The following ABCA13 variants were observed in gnomAD, a reference collection of about 807,000 sequenced individuals.
ABCA13 encodes ATP-binding cassette sub-family A member 13.
ABCA13 carries 476 observed loss-of-function variants against 478.7 expected under a neutral mutation model. The observed-to-expected ratio is 0.99, with a 90% CI of 0.92 to 1.07. ABCA13 has a LOEUF of 1.07. ABCA13 is among the 50% of genes least tolerant of loss of function. The probability of loss-of-function intolerance (pLI) is 0.00; values close to 1 mark genes in which losing one functional copy is unlikely to be tolerated. For missense variants in ABCA13, 6,060 were observed against 5,910.6 expected (o/e 1.03, Z -0.83); for synonymous variants, 2,252 against 2,158.9 (o/e 1.04, Z -1.20).
Position 48,272,169 on chromosome 7 carries a change from C to G in ABCA13, c.2503C>G (p.Leu835Val), listed in dbSNP as rs535660292. 6.2e-7 allele frequency: 1 copy of G among 1,612,996 alleles called. No individual in the cohort carries two copies. The highest frequency in any genetic ancestry group is 1.1e-5 in the South Asian group (1 of 90,938). ...LILFEINPKL[L>V]ELWAYGISKG... The stretch of plus-strand genomic sequence containing the variant: ...ACTTTTTGAAATTAATCCCAAATTA[C>G]TAGAATTATGGGCCTATGGCATTTC... Residue 835 changes from leucine (L) to valine (V), a missense_variant, in exon 17 of 62, where the codon CTA becomes GTA. Leu to Val is a conservative substitution (Grantham distance 32). This residue lies in a region of ABCA13 where 4,423 missense variants were observed against 4,309.1 expected (regional missense o/e 1.03). Coordinates refer to ENST00000435803, the MANE Select transcript of ABCA13 (RefSeq NM_152701.5).
intron 9 of ABCA13, among the ~76,000 whole-genome samples, chr7:48,239,908 G>A (rs1288244084): frequency 1.3e-5 from 2 of 152,232 alleles, no homozygotes; most frequent in East Asian, 3.8e-4. Flanking sequence ...GGATGTTGGT[G>A]TGGGGCAGAG....
At chr7:48,473,826 G>C (rs1339720908) in intron 45 of ABCA13, among the ~76,000 whole-genome samples, 1 of 152,178 alleles carries the variant, frequency 6.6e-6, no homozygotes, top group Non-Finnish European at 1.5e-5. Flanking sequence ...TTTTTCTAGA[G>C]ATTTTAGAAG....
intron 26 of ABCA13, 40 bp from the exon 27 acceptor site, chr7:48,317,117 G>A: frequency 6.3e-7 from 1 of 1,584,876 alleles, no homozygotes; most frequent in Non-Finnish European, 8.5e-7. Flanking sequence ...TAGGCATCGT[G>A]TATCATTAGC....
chr7:48,273,553 A>T lies in ABCA13; in HGVS notation c.3887A>T (p.Glu1296Val). 6.3e-7 allele frequency: 1 copy of T among 1,582,726 alleles called. No homozygotes were observed. The highest frequency in any genetic ancestry group is 8.6e-7 in the Non-Finnish European group (1 of 1,162,370). The change falls in exon 17 of 62, where the codon GAA becomes GTA. Residue 1296 changes from glutamate (E) to valine (V), a missense_variant. Physicochemically the swap from Glu to Val is moderately radical, Grantham distance 121 (BLOSUM62 -2). Coordinates refer to ENST00000435803, the MANE Select transcript of ABCA13 (RefSeq NM_152701.5). ...EVFIEFSSTS[E>V]YIVRNLDSIN... is the part of the protein sequence containing the mutation. ...TTCATTGAGTTTAGCAGTACCTCAG[A>T]ATATATAGTCAGAAATCTAGATTCA... is the stretch of plus-strand genomic sequence containing the variant.
intron 42 of ABCA13, among the ~76,000 whole-genome samples, chr7:48,450,478 A>G (rs1824856353): frequency 6.6e-6 from 1 of 152,222 alleles, no homozygotes; most frequent in African/African-American, 2.4e-5. Context: ...TTTTAAATTA[A>G]AACCTTCCAT....
chr7:48,302,676 T>G (rs935584004), intron 23 of ABCA13, among the ~76,000 whole-genome samples: 1 of 152,212 alleles, frequency 6.6e-6, no homozygotes, highest in Non-Finnish European at 1.5e-5. Context: ...GGACATGACC[T>G]TGTTCTTTTT....
Position 48,403,884 on chromosome 7 carries a change from G to A in ABCA13, c.12070+5G>A. On this transcript the variant is annotated splice_donor_5th_base_variant and intron_variant, in intron 39 of 61. Transcript: ENST00000435803. Reference sequence around the variant, plus strand: ...TTCTGCTCAAGTACCGAGAAGGTAGGCACTGGGCCTCATTCTGCCTTCTCT... The same window carrying A: ...TTCTGCTCAAGTACCGAGAAGGTAGACACTGGGCCTCATTCTGCCTTCTCT... 1 of 1,611,422 alleles carries A rather than the reference G, an allele frequency of 6.2e-7. No individual in the cohort carries two copies. The highest frequency in any genetic ancestry group is 2.2e-5 in the East Asian group (1 of 44,798).
At chr7:48,200,877 G>A (rs1798589048) in intron 3 of ABCA13, among the ~76,000 whole-genome samples, 1 of 152,178 alleles carries the variant, frequency 6.6e-6, no homozygotes, top group South Asian at 2.1e-4. Flanking sequence ...ACCTGAAAGC[G>A]GCTGGGTGCA....
chr7:48,200,567 T>C (rs940825825), intron 3 of ABCA13, among the ~76,000 whole-genome samples: 1 of 152,144 alleles, frequency 6.6e-6, no homozygotes, highest in African/African-American at 2.4e-5. Flanking sequence ...CCTTTAACTT[T>C]GAGAACGAAG....
chr7:48,607,788 T>C (rs1027918706), intron 58 of ABCA13, among the ~76,000 whole-genome samples: 1 of 152,168 alleles, frequency 6.6e-6, no homozygotes, highest in Non-Finnish European at 1.5e-5. Context: ...AGTTTATTTG[T>C]TTATTTTGTG....
intron 48 of ABCA13, among the ~76,000 whole-genome samples, chr7:48,501,473 A>G (rs1830735350): frequency 6.6e-6 from 1 of 152,010 alleles, no homozygotes; most frequent in Non-Finnish European, 1.5e-5. Context: ...TTAAATATTT[A>G]CTCTATGACA....
At chr7:48,418,083 C>T (rs4917135) in intron 41 of ABCA13, among the ~76,000 whole-genome samples, 120,033 of 151,956 alleles carry the variant, frequency 0.79, 48,027 homozygotes, top group South Asian at 0.95. Flanking sequence ...ATCTATTCAT[C>T]TACTGAAAGA....
At chr7:48,469,794 C>A (rs1466956430) in intron 44 of ABCA13, among the ~76,000 whole-genome samples, 3 of 152,064 alleles carry the variant, frequency 2.0e-5, no homozygotes, top group African/African-American at 7.2e-5. Context: ...GTGGTGCGCA[C>A]CCATAATCCC....
At chr7:48,520,546 C>CTT (rs1563387394) in intron 53 of ABCA13, among the ~76,000 whole-genome samples, 2,636 of 152,044 alleles carry the variant, frequency 0.017, 81 homozygotes, top group African/African-American at 0.06. Flanking sequence ...AGCATATTTT[C>CTT]TTTTTTTAAA....
intron 61 of ABCA13, 144 bp from the exon 62 acceptor site, chr7:48,645,273 A>G: frequency 1.7e-6 from 1 of 602,010 alleles, no homozygotes; most frequent in Admixed American, 3.1e-5. Context: ...TATTTATGTG[A>G]TTTGGGAGGG....
At chr7:48,197,353 C>G (rs1798064716) in intron 2 of ABCA13, among the ~76,000 whole-genome samples, 1 of 152,124 alleles carries the variant, frequency 6.6e-6, no homozygotes, top group Non-Finnish European at 1.5e-5. Flanking sequence ...TACTGGGGCG[C>G]TGGACAGGCA....
In ABCA13 at chr7:48,274,587, T is replaced by G. The variant is rs1427432397; in HGVS notation, c.4921T>G (p.Ser1641Ala). 1.9e-6 allele frequency: 3 copies of G among 1,613,848 alleles called. No homozygotes were observed. Among genetic ancestry groups the G allele is most frequent in the Non-Finnish European group, 2.5e-6 (3 of 1,179,858 alleles). ...TCAACTGATAAGGGATGTGTTCAACTCCTTAATGCCTGTAGTTCATCACAC... is the reference window on the plus strand; with the variant it reads ...TCAACTGATAAGGGATGTGTTCAACGCCTTAATGCCTGTAGTTCATCACAC... ...GIQLIRDVFNSLMPVVHHTSP... is the reference protein window; with the variant it reads ...GIQLIRDVFNALMPVVHHTSP... Residue 1641 changes from serine to alanine, a missense_variant, in exon 17 of 62, where the codon TCC (serine) becomes GCC (alanine). By Grantham distance (99) the Ser-to-Ala change is moderately conservative. This residue lies in a region of ABCA13 where 4,423 missense variants were observed against 4,309.1 expected (regional missense o/e 1.03). Transcript: ENST00000435803.
At chr7:48,609,192 G>A (rs1327789258) in intron 58 of ABCA13, among the ~76,000 whole-genome samples, 1 of 152,076 alleles carries the variant, frequency 6.6e-6, no homozygotes, top group Non-Finnish European at 1.5e-5. Flanking sequence ...GGATAAACTG[G>A]TGTCATGACA....
chr7:48,430,102 T>C (rs1821938697), intron 42 of ABCA13, among the ~76,000 whole-genome samples: 1 of 152,202 alleles, frequency 6.6e-6, no homozygotes, highest in African/African-American at 2.4e-5. Flanking sequence ...TGTTTGTGAA[T>C]AATTGGTATT....
Sources: gnomAD v4.1 joint callset for allele counts (sites outside exome capture counted in the v4.1 genomes callset) on GRCh38, gnomAD v4.1.1 for gene constraint, gnomAD v4.1.1 regional missense constraint, MANE v1.5 for transcripts, NCBI Gene and HGNC (gene_info 2026-07-23, HGNC 2026-07-21) for gene names.